The following SH2D1A variants were observed in gnomAD, a reference collection of about 807,000 sequenced individuals.
SH2D1A encodes SH2 domain containing 1A, also known as SH2 domain-containing protein 1A.
In SH2D1A, 6 loss-of-function variants were observed where a neutral mutation model predicts 10.1. The ratio of observed to expected loss-of-function variants is 0.60; its 90% CI spans 0.33 to 1.18. The LOEUF is 1.18. Among genes scored for constraint, SH2D1A ranks in the 50% most tolerant of loss-of-function variants. The pLI is 0.04. For missense variants in SH2D1A, 51 were observed against 97.6 expected (o/e 0.52, Z 2.01); for synonymous variants, 42 against 36.9 (o/e 1.14, Z -0.51).
chrX:124,356,738 C>A (rs1427374116), intron 1 of SH2D1A, among the ~76,000 whole-genome samples: 1 of 112,403 alleles, frequency 8.9e-6, no homozygotes, highest in Admixed American at 9.4e-5. Context: ...GGATTACAGG[C>A]GTGAGCCATC....
chrX:124,351,687 T>C (rs1453618099), intron 1 of SH2D1A, among the ~76,000 whole-genome samples: 1 of 110,930 alleles, frequency 9.0e-6, no homozygotes, highest in Non-Finnish European at 1.9e-5. Flanking sequence ...TTAGTGACTG[T>C]CATTTTATAT....
chrX:124,350,705 ATATAT>A (rs1419625420), intron 1 of SH2D1A, among the ~76,000 whole-genome samples: 1 of 22,237 alleles, frequency 4.5e-5, no homozygotes. Context: ...ATATAAGATA[ATATAT>A]TATATATTGT....
At chrX:124,363,029 C>A (rs1253788822) in intron 1 of SH2D1A, among the ~76,000 whole-genome samples, 1 of 111,332 alleles carries the variant, frequency 9.0e-6, no homozygotes, top group East Asian at 2.8e-4. Flanking sequence ...CTTGGACTTT[C>A]CAGCCTCCAG....
intron 1 of SH2D1A, among the ~76,000 whole-genome samples, chrX:124,363,914 A>AG (rs2060047042): frequency 7.4e-5 from 7 of 94,210 alleles, no homozygotes; most frequent in African/African-American, 2.4e-4. Flanking sequence ...AAAAAAAAAA[A>AG]AAGAAAGAAA....
At chrX:124,368,872 G>C (rs1005641883) in intron 2 of SH2D1A, among the ~76,000 whole-genome samples, 1 of 112,006 alleles carries the variant, frequency 8.9e-6, no homozygotes, top group Non-Finnish European at 1.9e-5. Flanking sequence ...CCAACGAACT[G>C]TTTGGACTTC....
At chrX:124,354,763 C>T (rs1008414608) in intron 1 of SH2D1A, among the ~76,000 whole-genome samples, 7 of 112,016 alleles carry the variant, frequency 6.2e-5, no homozygotes, top group African/African-American at 2.3e-4. Flanking sequence ...AATTGTAATA[C>T]AAAGTTAGAA....
chrX:124,369,645 C>T (rs186701449), intron 2 of SH2D1A, among the ~76,000 whole-genome samples: 8 of 111,845 alleles, frequency 7.2e-5, no homozygotes, highest in Admixed American at 4.7e-4. Flanking sequence ...CTGAACTAGC[C>T]GTGCACTGTG....
chrX:124,355,945 T>C (rs1161193974), intron 1 of SH2D1A, among the ~76,000 whole-genome samples: 2 of 110,582 alleles, frequency 1.8e-5, no homozygotes, highest in Non-Finnish European at 3.8e-5. Flanking sequence ...AGTTCTAGGG[T>C]ACATGTGCAC....
At chrX:124,360,199 A>G (rs2147527787) in intron 1 of SH2D1A, among the ~76,000 whole-genome samples, 1 of 110,791 alleles carries the variant, frequency 9.0e-6, no homozygotes, top group African/African-American at 3.3e-5. Flanking sequence ...AGCCTAATTT[A>G]ATTCACATAT....
At chrX:124,350,006 G>C (rs2060003721) in intron 1 of SH2D1A, among the ~76,000 whole-genome samples, 1 of 100,520 alleles carries the variant, frequency 9.9e-6, no homozygotes, top group Admixed American at 1.2e-4. Context: ...AAAATTAGGT[G>C]AATTTTCTTC....
At chrX:124,365,663 C>G (rs1364976534) in intron 1 of SH2D1A, 98 bp from the exon 2 acceptor site, 1 of 596,791 alleles carries the variant, frequency 1.7e-6, no homozygotes, top group Non-Finnish European at 2.9e-6. Flanking sequence ...TACGTGTGTC[C>G]TAGTATATGT....
At chrX:124,348,983 T>C (rs1283200163) in intron 1 of SH2D1A, among the ~76,000 whole-genome samples, 4 of 112,275 alleles carry the variant, frequency 3.6e-5, no homozygotes, top group Non-Finnish European at 5.6e-5. Flanking sequence ...TTAAGTACCT[T>C]ATGCAAGAGA....
rs180756712 is a variant in SH2D1A, at chrX:124,372,350, A to G, written c.*959A>G. 90 of 170,546 alleles carry G rather than the reference A, an allele frequency of 5.3e-4. No homozygotes were observed. Among genetic ancestry groups the G allele is most frequent in the African/African-American group, 2.5e-3 (83 of 33,780 alleles). 14.1% of individuals were successfully genotyped at this position (170,546 alleles called of 1,213,427 possible). A position where few individuals can be genotyped will look rare whatever the true frequency, so the allele number is the denominator to read the frequency against. ...TATTTTTGTGATTTTGTGATTGATTATATGTCACTTTGCTACAGGGCTCAC... is the reference window on the plus strand; with the variant it reads ...TATTTTTGTGATTTTGTGATTGATTGTATGTCACTTTGCTACAGGGCTCAC... On this transcript the variant is annotated 3_prime_UTR_variant, in exon 4 of 4. Transcript: ENST00000371139.
chrX:124,372,360 T>C lies in SH2D1A; in HGVS notation c.*969T>C. The C allele has an allele frequency of 1.7e-5, 3 of 172,695 alleles. No homozygotes were observed. The highest frequency in any genetic ancestry group is 8.3e-5 in the East Asian group (1 of 12,111). The allele number at this position is 172,695 out of a possible 1,213,427, so 14.2% of individuals were successfully genotyped here. On this transcript the variant is annotated 3_prime_UTR_variant, in exon 4 of 4. Coordinates refer to ENST00000371139, the MANE Select transcript of SH2D1A (RefSeq NM_002351.5). ...ATTTTGTGATTGATTATATGTCACT[T>C]TGCTACAGGGCTCACAGAATTCATT...
At chrX:124,353,686 G>A (rs1338574719) in intron 1 of SH2D1A, among the ~76,000 whole-genome samples, 1 of 111,771 alleles carries the variant, frequency 8.9e-6, no homozygotes, top group Non-Finnish European at 1.9e-5. Flanking sequence ...TCAAAAAATA[G>A]TTTATTTCCA....
chrX:124,361,195 T>C (rs1296246337), intron 1 of SH2D1A, among the ~76,000 whole-genome samples: 1 of 111,642 alleles, frequency 9.0e-6, no homozygotes, highest in Non-Finnish European at 1.9e-5. Flanking sequence ...GGCTGTAATC[T>C]GATAAATTTG....
At chrX:124,364,319 C>T (rs1451215559) in intron 1 of SH2D1A, 2 of 207,012 alleles carry the variant, frequency 9.7e-6, no homozygotes, top group Non-Finnish European at 1.8e-5. Flanking sequence ...GCAAAGAATA[C>T]ATAAAATAAA....
chrX:124,354,222 A>G (rs925176041), intron 1 of SH2D1A, among the ~76,000 whole-genome samples: 3 of 111,730 alleles, frequency 2.7e-5, no homozygotes, highest in Admixed American at 9.6e-5. Flanking sequence ...TAAGCCAAGT[A>G]CTGACTCTGG....
In SH2D1A at chrX:124,350,565, A is replaced by G. The variant is rs1342577805; in HGVS notation, c.137+3786A>G. On this transcript the variant is annotated intron_variant, in intron 1 of 3. Coordinates refer to ENST00000371139, the MANE Select transcript of SH2D1A (RefSeq NM_002351.5). ...ATATATACTATATTATATATAGTAT[A>G]TTATATACTATATTATATAGTATAA... Among the ~76,000 whole-genome samples, 3 of 54,585 alleles carry G rather than the reference A, an allele frequency of 5.5e-5. No homozygotes were observed. The Admixed American group carries it at 1.1e-3, about 20-fold the overall frequency. 47.4% of individuals were successfully genotyped at this position (54,585 alleles called of 115,157 possible).
Sources: gnomAD v4.1 joint callset for allele counts (sites outside exome capture counted in the v4.1 genomes callset) on GRCh38, gnomAD v4.1.1 for gene constraint, MANE v1.5 for transcripts, NCBI Gene and HGNC (gene_info 2026-07-23, HGNC 2026-07-21) for gene names.